SORCS2: variants seen among roughly 807,000 people sequenced by gnomAD.
SORCS2 encodes the protein sortilin related VPS10 domain containing receptor 2, also known as VPS10 domain-containing receptor SorCS2.
Under a neutral mutation model 141.6 loss-of-function variants are expected in SORCS2, and 100 were observed. The observed-to-expected ratio is 0.71, with a 90% CI of 0.60 to 0.83. The LOEUF is 0.83. SORCS2 is among the 40% of genes least tolerant of loss of function. SORCS2 has a pLI of 0.00. For missense variants in SORCS2, 1,646 were observed against 1,560.2 expected, an observed-to-expected ratio of 1.05 and a Z score of -0.93; for synonymous variants, 789 against 676.9, an observed-to-expected ratio of 1.17 and a Z score of -2.57.
intron 2 of SORCS2, among the ~76,000 whole-genome samples, chr4:7,489,345 C>T (rs953235810): frequency 2.3e-4 from 35 of 152,316 alleles, no homozygotes; most frequent in African/African-American, 7.2e-4. Flanking sequence ...GTGGCTGCGT[C>T]GTCGCTGGTG....
rs28680747 is a variant in SORCS2 at position 7,490,079 on chromosome 4, C to T, written c.549-41451C>T. Among the ~76,000 whole-genome samples, 610 of 152,260 alleles carry T rather than the reference C, an allele frequency of 4.0e-3. 4 individuals are homozygous for T. Among genetic ancestry groups the T allele is most frequent in the African/African-American group, 0.013 (541 of 41,556 alleles). ...ACAAGATCACAGGCCTGGAGATCAG[C>T]GGGAGGGCCCTGGGCTGACACCCCA... On this transcript the variant is annotated intron_variant, in intron 2 of 26. Coordinates refer to ENST00000507866, the MANE Select transcript of SORCS2 (RefSeq NM_020777.3).
At chr4:7,419,443 G>A (rs1725899409) in intron 2 of SORCS2, among the ~76,000 whole-genome samples, 1 of 152,172 alleles carries the variant, frequency 6.6e-6, no homozygotes, top group Non-Finnish European at 1.5e-5. Flanking sequence ...CAGAGAAAGG[G>A]TGGCCTCTGA....
chr4:7,656,388 T>C (rs1406741934), intron 5 of SORCS2, among the ~76,000 whole-genome samples: 2 of 151,036 alleles, frequency 1.3e-5, no homozygotes, highest in Non-Finnish European at 3.0e-5. Flanking sequence ...GAATACTGAG[T>C]GTCCGCTGGG....
At chr4:7,449,897 G>A (rs1286017487) in intron 2 of SORCS2, among the ~76,000 whole-genome samples, 1 of 152,214 alleles carries the variant, frequency 6.6e-6, no homozygotes, top group Non-Finnish European at 1.5e-5. Context: ...GCTGGCGGGA[G>A]AGGTGGGAGC....
rs944626200 is a variant in SORCS2, at chr4:7,740,896, G to C, written c.*632G>C. 1 of 397,658 alleles carries C rather than the reference G, an allele frequency of 2.5e-6. No homozygotes were observed. The highest frequency in any genetic ancestry group is 3.6e-5 in the East Asian group (1 of 27,994). 24.6% of individuals were successfully genotyped at this position (397,658 alleles called of 1,614,324 possible). On this transcript the variant is annotated 3_prime_UTR_variant, in exon 27 of 27. Transcript: ENST00000507866. The stretch of plus-strand genomic sequence containing the variant: ...GTCTTTATAGCCGGCGGTAGCCACC[G>C]GGGTGGCTCTGTCAGAGTTCCGTAC...
chr4:7,347,479 G>A (rs1560209252), intron 1 of SORCS2, among the ~76,000 whole-genome samples: 1 of 152,212 alleles, frequency 6.6e-6, no homozygotes. Context: ...TGATGACCCA[G>A]TGAGGCATAG....
At chr4:7,338,421 A>AT (rs146823899) in intron 1 of SORCS2, among the ~76,000 whole-genome samples, 10 of 148,686 alleles carry the variant, frequency 6.7e-5, no homozygotes, top group African/African-American at 2.5e-4. Context: ...GTTGGATGGA[A>AT]GGATGGATGG....
chr4:7,487,312 C>T (rs1202020863), intron 2 of SORCS2, among the ~76,000 whole-genome samples: 2 of 152,186 alleles, frequency 1.3e-5, no homozygotes, highest in South Asian at 2.1e-4. Flanking sequence ...CCCACAGTCA[C>T]CAGAGGATCC....
At chr4:7,492,911 A>C (rs573259236) in intron 2 of SORCS2, among the ~76,000 whole-genome samples, 1 of 152,318 alleles carries the variant, frequency 6.6e-6, no homozygotes, top group South Asian at 2.1e-4. Flanking sequence ...TAGGAAAGCA[A>C]TGCTAACCAC....
intron 14 of SORCS2, among the ~76,000 whole-genome samples, chr4:7,706,189 G>T (rs1239213494): frequency 3.1e-5 from 4 of 127,900 alleles, no homozygotes; most frequent in African/African-American, 8.6e-5. Flanking sequence ...GCTGGGCTCC[G>T]TCTGGGCAGG....
At chr4:7,447,629 G>T (rs758841222) in intron 2 of SORCS2, among the ~76,000 whole-genome samples, 1 of 152,126 alleles carries the variant, frequency 6.6e-6, no homozygotes, top group South Asian at 2.1e-4. Flanking sequence ...TCCATGCATT[G>T]GGACTGTGGA....
At chr4:7,704,415 C>A in intron 14 of SORCS2, 131 bp downstream of exon 14, 1 of 809,874 alleles carries the variant, frequency 1.2e-6, no homozygotes, top group Non-Finnish European at 1.9e-6. Flanking sequence ...CCCAGGTCCC[C>A]TTGCTGGTGA....
At chr4:7,483,140 G>A (rs1330897621) in intron 2 of SORCS2, among the ~76,000 whole-genome samples, 2 of 152,000 alleles carry the variant, frequency 1.3e-5, no homozygotes, top group Non-Finnish European at 2.9e-5. Context: ...CTAACACGGT[G>A]AAACCCCGTC....
chr4:7,584,869 G>A (rs182054708), intron 3 of SORCS2, among the ~76,000 whole-genome samples: 5 of 152,300 alleles, frequency 3.3e-5, no homozygotes, highest in Admixed American at 3.3e-4. Flanking sequence ...GCCTAATTGT[G>A]TGCGCTGTGT....
At chr4:7,275,265 C>T (rs1042259566) in intron 1 of SORCS2, among the ~76,000 whole-genome samples, 7 of 152,098 alleles carry the variant, frequency 4.6e-5, no homozygotes, top group Non-Finnish European at 1.0e-4. Context: ...CTCCATGACT[C>T]GAAGTCATGG....
chr4:7,577,201 G>T (rs1715808073), intron 3 of SORCS2, among the ~76,000 whole-genome samples: 1 of 152,192 alleles, frequency 6.6e-6, no homozygotes, highest in South Asian at 2.1e-4. Context: ...AGCAGGGAGG[G>T]GAGAGAGGAT....
chr4:7,740,027 C>T (rs1490169851), intron 26 of SORCS2, among the ~76,000 whole-genome samples, 173 bp from the exon 27 acceptor site: 4 of 152,134 alleles, frequency 2.6e-5, no homozygotes, highest in Non-Finnish European at 5.9e-5. Context: ...ACTCCTCAGG[C>T]ACCCACCTAG....
chr4:7,435,811 G>A (rs1008817341), intron 2 of SORCS2, among the ~76,000 whole-genome samples: 2 of 152,254 alleles, frequency 1.3e-5, no homozygotes, highest in African/African-American at 4.8e-5. Flanking sequence ...TCATTAAATG[G>A]AGAAATCTGG....
At chr4:7,486,352 G>A (rs1042496569) in intron 2 of SORCS2, among the ~76,000 whole-genome samples, 1 of 36,220 alleles carries the variant, frequency 2.8e-5, no homozygotes, top group African/African-American at 1.1e-4. Context: ...TGCAGAACCA[G>A]GTGGACAGAT....
Sources: allele counts gnomAD v4.1 joint callset (sites outside exome capture counted in the v4.1 genomes callset), GRCh38; gene constraint gnomAD v4.1.1; transcripts MANE v1.5; gene names NCBI Gene and HGNC (gene_info 2026-07-23, HGNC 2026-07-21).